KIF7: variants seen among roughly 807,000 people sequenced by gnomAD.
KIF7 encodes the protein kinesin-like protein KIF7.
In KIF7, 104 loss-of-function variants were observed where a neutral mutation model predicts 135.7. That is an observed-to-expected ratio of 0.77 (90% confidence interval 0.65 to 0.90). KIF7 has a LOEUF of 0.90. Ranked by LOEUF, KIF7 falls within the 40% of genes least tolerant of loss-of-function variation. The pLI, the probability that KIF7 is intolerant of heterozygous loss-of-function variation, is 0.00. For missense variants in KIF7, 2,005 were observed against 1,839.1 expected, an observed-to-expected ratio of 1.09 and a Z score of -1.65; for synonymous variants, 883 against 809.4, an observed-to-expected ratio of 1.09 and a Z score of -1.54.
chr15:89,653,991 TTTTG>T (rs1208606860), intron 1 of KIF7, among the ~76,000 whole-genome samples: 12 of 151,812 alleles, frequency 7.9e-5, no homozygotes, highest in Admixed American at 4.6e-4. Flanking sequence ...TTCAAAATAT[TTTTG>T]TTTTTGTTTT....
In KIF7 at chr15:89,642,377, C is replaced by T. The variant is rs1963939971; in HGVS notation, c.2220G>A (p.Gln740=). 4 of 1,606,660 alleles carry T rather than the reference C, an allele frequency of 2.5e-6. No individual in the cohort carries two copies. The South Asian group carries it at 4.4e-5, about 18-fold the overall frequency. ...CCAGCTCCCGGATACGCTGGCTGTG[C>T]TGGCGGTTCAGGGCCTGAGCTGCCT... The part of the protein sequence containing the change: ...TGKAAQALNR[Q]HSQRIRELEQ... Residue 740 remains glutamine (Q), a synonymous_variant, in exon 11 of 19, where the codon CAG becomes CAA. Transcript: ENST00000394412.
Position 89,645,931 on chromosome 15 carries a change from C to CTCCTCT in KIF7, c.1878_1883dup (p.Glu630_Glu631dup), listed in dbSNP as rs780304130. 4.8e-5 allele frequency: 78 copies of CTCCTCT among 1,613,802 alleles called. No homozygotes were observed. The East Asian group carries it at 1.6e-3, about 34-fold the overall frequency. ...AGGTCCGCCTGGGCGGCTCCTCCTC[C>CTCCTCT]TCCTCTTCCTCCTCTGAAGCAGCTG... On this transcript the variant is annotated inframe_insertion, in exon 8 of 19. Coordinates refer to ENST00000394412, the MANE Select transcript of KIF7 (RefSeq NM_198525.3).
chr15:89,617,424 T>C (rs1246891939), intron 2 of KIF7, among the ~76,000 whole-genome samples: 1 of 152,214 alleles, frequency 6.6e-6, no homozygotes, highest in Non-Finnish European at 1.5e-5. Context: ...GATAGTCTGA[T>C]AGTTTGGTAT....
intron 11 of KIF7, among the ~76,000 whole-genome samples, chr15:89,634,289 ACT>A (rs1489824399): frequency 1.3e-5 from 2 of 152,126 alleles, no homozygotes; most frequent in African/African-American, 2.4e-5. Context: ...ACACAGCAAG[ACT>A]CTGACTCAAA....
chr15:89,637,442 A>G (rs945253450), intron 11 of KIF7, among the ~76,000 whole-genome samples: 2 of 152,156 alleles, frequency 1.3e-5, no homozygotes, highest in Admixed American at 1.3e-4. Flanking sequence ...GCAAGAAAAA[A>G]AGAGAGAAGA....
chr15:89,621,417 A>G lies in KIF7; in HGVS notation c.181-3222T>C, dbSNP rs751060687. ...GACCAAAGAGAAAATTCTCCAGTCC[A>G]AAGTATTCGGTCTCCCAAGAGTCTT... is the stretch of plus-strand genomic sequence containing the variant. On this transcript the variant is annotated intron_variant and NMD_transcript_variant, in intron 1 of 2. Transcript: ENST00000558928. 1.2e-5 allele frequency: 20 copies of G among 1,603,786 alleles called. No homozygotes were observed. The highest frequency in any genetic ancestry group is 1.7e-4 in the Middle Eastern group (1 of 6,042).
intron 16 of KIF7, 42 bp downstream of exon 16, chr15:89,630,245 G>A (rs751775036): frequency 2.5e-6 from 4 of 1,569,334 alleles, no homozygotes; most frequent in South Asian, 2.2e-5. Context: ...CCCCACACGT[G>A]CCGCTGAGGA....
At chr15:89,624,108 C>G (rs1347385350), downstream of KIF7, 5 of 1,613,820 alleles carry the variant, frequency 3.1e-6, no homozygotes, top group East Asian at 1.1e-4. Context: ...ATCAAACACA[C>G]CAACAGCCCC....
rs371960047 is a variant in KIF7, at chr15:89,628,738, T to C, written c.3713A>G (p.Asn1238Ser). Residue 1238 changes from asparagine to serine, a missense_variant, in exon 19 of 19, where the codon AAT becomes AGT. Coordinates refer to ENST00000394412, the MANE Select transcript of KIF7 (RefSeq NM_198525.3). ...GGGTGCCAGGTGGAGCTCATCTTCA[T>C]TTCCAGGAGCCTGTCTGCCCTCCGA... ...LCSEGRQAPGNEDELHLAPEL... is the reference protein window; with the variant it reads ...LCSEGRQAPGSEDELHLAPEL... 17 of 1,612,672 alleles carry C rather than the reference T, an allele frequency of 1.1e-5. No individual in the cohort carries two copies. The African/African-American group carries it at 2.1e-4, about 20-fold the overall frequency.
chr15:89,629,690 G>T lies in KIF7; in HGVS notation c.3319-117C>A, dbSNP rs1963630687. On this transcript the variant is annotated intron_variant, in intron 16 of 18. Coordinates refer to ENST00000394412, the MANE Select transcript of KIF7 (RefSeq NM_198525.3). ...CACCACGGCACTAAGAAATCACCAGGGTCTTCCCTGCTGAGCCAAGACTCA... is the reference window on the plus strand; with the variant it reads ...CACCACGGCACTAAGAAATCACCAGTGTCTTCCCTGCTGAGCCAAGACTCA... 1.5e-5 allele frequency: 21 copies of T among 1,378,294 alleles called. 1 individual carries two copies. The South Asian group carries it at 2.8e-4, about 18-fold the overall frequency. The allele number at this position is 1,378,294 out of a possible 1,614,324, so 85.4% of individuals were successfully genotyped here.
intron 11 of KIF7, among the ~76,000 whole-genome samples, chr15:89,640,574 T>C (rs1963900187): frequency 6.6e-6 from 1 of 152,106 alleles, no homozygotes; most frequent in South Asian, 2.1e-4. Flanking sequence ...CACTCCACGA[T>C]ATTGTCTCTT....
intron 2 of KIF7, 29 bp downstream of exon 2, chr15:89,652,574 G>C: frequency 6.8e-7 from 1 of 1,465,776 alleles, no homozygotes; most frequent in Non-Finnish European, 9.2e-7. Context: ...CCTTAAAGTG[G>C]GCACAGGGCC....
rs746915003 is a variant in KIF7 at position 89,633,781 on chromosome 15, G to A, written c.2497C>T (p.Gln833Ter). 1 of 1,611,550 alleles carries A rather than the reference G, an allele frequency of 6.2e-7. No homozygotes were observed. The highest frequency in any genetic ancestry group is 1.3e-5 in the African/African-American group (1 of 74,950). Residue 833 changes from glutamine (Q) to a stop codon, truncating the protein, a stop_gained, in exon 12 of 19, where the codon CAG becomes TAG. Coordinates refer to ENST00000394412, the MANE Select transcript of KIF7 (RefSeq NM_198525.3). LOFTEE classifies it high-confidence loss of function. The part of the protein sequence containing the change: ...ELERNVQLMR[Q>*]QQGQLQRRLR... The stretch of plus-strand genomic sequence containing the variant: ...CGCCTCTGCAGCTGTCCCTGCTGCT[G>A]CCGCATGAGCTGCACGTTCCGCTCG...
intron 7 of KIF7, 82 bp downstream of exon 7, chr15:89,646,748 G>A (rs1343093186): frequency 4.1e-6 from 5 of 1,225,218 alleles, no homozygotes; most frequent in Admixed American, 1.7e-5. Flanking sequence ...TGGGGGACAC[G>A]TGCCCCAGTG....
At chr15:89,638,036 A>G (rs1236451448) in intron 11 of KIF7, among the ~76,000 whole-genome samples, 20 of 105,392 alleles carry the variant, frequency 1.9e-4, no homozygotes, top group Admixed American at 1.7e-3. Context: ...CAATAAATGT[A>G]ATCCAGCATA....
chr15:89,634,862 C>T (rs1222057892), intron 11 of KIF7, among the ~76,000 whole-genome samples: 2 of 152,224 alleles, frequency 1.3e-5, no homozygotes, highest in South Asian at 4.1e-4. Context: ...GTAGGCTCCA[C>T]CTCTGGGGGC....
Position 89,628,575 on chromosome 15 carries a change from TTCCTCGGGGGACCCCTGC to T in KIF7, c.3858_3875del (p.Gln1287_Glu1292del). Reference sequence around the variant, plus strand: ...GCTCAGCCGCCTCCCGCTGCCTCAGTTCCTCGGGGGACCCCTGCTCCTCACCACACAGGCTCGAGCGTT... The same window carrying T: ...GCTCAGCCGCCTCCCGCTGCCTCAGTTCCTCACCACACAGGCTCGAGCGTT... On this transcript the variant is annotated inframe_deletion, in exon 19 of 19. Transcript: ENST00000394412. The T allele has an allele frequency of 6.2e-7, 1 of 1,613,392 alleles. No homozygotes were observed. The highest frequency in any genetic ancestry group is 8.5e-7 in the Non-Finnish European group (1 of 1,179,956).
chr15:89,625,063 G>C, downstream of KIF7: 1 of 1,613,934 alleles, frequency 6.2e-7, no homozygotes, highest in East Asian at 2.2e-5. Context: ...CTCTTCATTA[G>C]AGGCTGAGCC....
At chr15:89,627,242 A>T, downstream of KIF7, 1 of 859,994 alleles carries the variant, frequency 1.2e-6, no homozygotes, top group Non-Finnish European at 1.7e-6. Context: ...TTATGGATCC[A>T]ATCCATCTCC....
Sources: allele counts gnomAD v4.1 joint callset (sites outside exome capture counted in the v4.1 genomes callset), GRCh38; gene constraint gnomAD v4.1.1; transcripts MANE v1.5; gene names NCBI Gene and HGNC (gene_info 2026-07-23, HGNC 2026-07-21).